Variants in HHIPL1 observed in about 807,000 individuals in gnomAD.
The protein encoded by HHIPL1 is HHIP-like protein 1.
A neutral mutation model predicts 61.8 loss-of-function variants in HHIPL1; 43 were observed. That is an observed-to-expected ratio of 0.70 (90% CI 0.55 to 0.90). The LOEUF (loss-of-function observed/expected upper bound fraction) is 0.90. Ranked by LOEUF, HHIPL1 falls within the 40% of genes least tolerant of loss-of-function variation. The pLI, the probability that HHIPL1 is intolerant of heterozygous loss-of-function variation, is 0.00. For missense variants in HHIPL1, 1,056 were observed against 1,157.7 expected (o/e 0.91, Z 1.28); for synonymous variants, 482 against 515.8 (o/e 0.93, Z 0.89).
At chr14:99,671,016 A>G (rs1032911490) in intron 7 of HHIPL1, among the ~76,000 whole-genome samples, 2 of 152,090 alleles carry the variant, frequency 1.3e-5, no homozygotes, top group Non-Finnish European at 2.9e-5. Context: ...AGGGACCCCA[A>G]CGAGACTTAA....
Position 99,680,393 on chromosome 14 carries a change from C to T in HHIPL1, c.*4767C>T, listed in dbSNP as rs1286001903. ...GTCCTGTCTCTCAGAGTTTTTGACT[C>T]AGTCTTGGTTGAGAATTTTCAGTTC... is the stretch of plus-strand genomic sequence containing the variant. On this transcript the variant is annotated 3_prime_UTR_variant, in exon 9 of 9. Transcript: ENST00000330710. 2 of 152,178 alleles carry T rather than the reference C, an allele frequency of 1.3e-5. No individual in the cohort carries two copies. The highest frequency in any genetic ancestry group is 4.8e-5 in the African/African-American group (2 of 41,434). The allele number at this position is 152,178 out of a possible 1,614,324, so 9.4% of individuals were successfully genotyped here.
rs1257683754 is a variant in HHIPL1, at chr14:99,659,538, C to G, written c.1157C>G (p.Pro386Arg). 31 of 1,545,354 alleles carry G rather than the reference C, an allele frequency of 2.0e-5. No individual in the cohort carries two copies. Among genetic ancestry groups the G allele is most frequent in the Non-Finnish European group, 2.6e-5 (30 of 1,149,348 alleles). The change falls in exon 4 of 9, where the codon CCC becomes CGC. Residue 386 changes from proline to arginine, a missense_variant. Pro to Arg is a moderately radical substitution (Grantham distance 103). Coordinates refer to ENST00000330710, the MANE Select transcript of HHIPL1 (RefSeq NM_001127258.3). ...NPFVGDPAAQ[P>R]EVYALGVRNM... ...TTCGTGGGCGACCCCGCGGCGCAGC[C>G]CGAGGTCTACGCCCTGGGCGTGCGC...
At chr14:99,626,503 A>G in the HHIPL1 span, among the ~76,000 whole-genome samples, 4 of 152,162 alleles carry the variant, frequency 2.6e-5, no homozygotes, top group African/African-American at 9.7e-5. Context: ...TTGGAGGTCA[A>G]CGCCAAAGCC....
At chr14:99,664,691 G>T (rs1235119709) in intron 6 of HHIPL1, among the ~76,000 whole-genome samples, 2 of 152,194 alleles carry the variant, frequency 1.3e-5, no homozygotes, top group African/African-American at 2.4e-5. Flanking sequence ...TGCTGGCCCA[G>T]TGTGCTCTAG....
At position 99,645,423 on chromosome 14, in the gene HHIPL1, G is replaced by C. The variant is rs1302541405; in HGVS notation, c.216G>C (p.Trp72Cys). The change falls in exon 1 of 9, where the codon TGG (tryptophan) becomes TGC (cysteine). Residue 72 changes from tryptophan to cysteine, a missense_variant. By Grantham distance (215) the Trp-to-Cys change is radical. Coordinates refer to ENST00000330710, the MANE Select transcript of HHIPL1 (RefSeq NM_001127258.3). ...ALASRVDAAE[W>C]AACAGYARDL... ...CGAGCCGCGTGGACGCCGCCGAGTG[G>C]GCCGCGTGCGCCGGCTACGCGAGGG... The C allele has an allele frequency of 1.1e-5, 15 of 1,371,988 alleles. No homozygotes were observed. Among genetic ancestry groups the C allele is most frequent in the South Asian group, 6.9e-5 (4 of 58,192 alleles). 85.0% of individuals were successfully genotyped at this position (1,371,988 alleles called of 1,614,324 possible).
chr14:99,652,460 C>T lies in HHIPL1; in HGVS notation c.492C>T (p.Asn164=), dbSNP rs150385025. ...TDYCFPYLLV[N]KNLNSNLGHV... is the part of the protein sequence containing the mutation. ...ACTGCTTCCCTTACCTGCTGGTCAA[C>T]AAGAACCTCAACTCAAACCTGGGCC... The change falls in exon 2 of 9, where the codon AAC becomes AAT. Residue 164 remains asparagine, a synonymous_variant. Transcript: ENST00000330710. The T allele has an allele frequency of 8.7e-6, 14 of 1,614,006 alleles. No individual in the cohort carries two copies. In the African/African-American group the frequency reaches 1.6e-4, roughly 18 times the overall value.
At chr14:99,622,181 T>C in the HHIPL1 span, among the ~76,000 whole-genome samples, 1 of 152,218 alleles carries the variant, frequency 6.6e-6, no homozygotes, top group African/African-American at 2.4e-5. Flanking sequence ...CTTCTGAGGT[T>C]TCTGGAAATG....
chr14:99,630,779 C>T, the HHIPL1 span, among the ~76,000 whole-genome samples: 10 of 152,204 alleles, frequency 6.6e-5, no homozygotes, highest in African/African-American at 9.6e-5. Flanking sequence ...AGTCCGAGAT[C>T]GAGGTGTCTG....
chr14:99,647,264 G>A (rs1188178729), intron 1 of HHIPL1, among the ~76,000 whole-genome samples: 2 of 152,188 alleles, frequency 1.3e-5, no homozygotes, highest in Non-Finnish European at 2.9e-5. Context: ...CTCCCATGCT[G>A]TACACCTCAA....
chr14:99,642,726 G>A (rs748832880), upstream of HHIPL1, among the ~76,000 whole-genome samples: 3 of 151,968 alleles, frequency 2.0e-5, no homozygotes, highest in Middle Eastern at 3.4e-3. Flanking sequence ...GGGTTTCACC[G>A]TATTAGCCAG....
At chr14:99,653,083 G>A (rs183341686) in intron 2 of HHIPL1, among the ~76,000 whole-genome samples, 1 of 152,350 alleles carries the variant, frequency 6.6e-6, no homozygotes, top group Non-Finnish European at 1.5e-5. Flanking sequence ...TCTGGCCTGT[G>A]AGGCCTGACA....
the HHIPL1 span, among the ~76,000 whole-genome samples, chr14:99,616,750 G>T: frequency 1.2e-4 from 19 of 152,018 alleles, no homozygotes; most frequent in African/African-American, 4.4e-4. Flanking sequence ...CCTATTATTG[G>T]ACCTCTCCTT....
chr14:99,662,390 T>G (rs1312480733), intron 5 of HHIPL1, among the ~76,000 whole-genome samples: 1 of 152,226 alleles, frequency 6.6e-6, no homozygotes, highest in Admixed American at 6.5e-5. Flanking sequence ...GCTCCAGTGC[T>G]TGGCAGGTTC....
At chr14:99,614,325 C>T in the HHIPL1 span, among the ~76,000 whole-genome samples, 1 of 152,124 alleles carries the variant, frequency 6.6e-6, no homozygotes, top group South Asian at 2.1e-4. Flanking sequence ...TCAAGAGTAG[C>T]TCGCCCAGCT....
At chr14:99,642,735 A>G (rs1460123276), upstream of HHIPL1, among the ~76,000 whole-genome samples, 1 of 151,940 alleles carries the variant, frequency 6.6e-6, no homozygotes, top group Non-Finnish European at 1.5e-5. Flanking sequence ...CGTATTAGCC[A>G]GTATGATTTC....
intron 5 of HHIPL1, among the ~76,000 whole-genome samples, chr14:99,661,234 C>A (rs1018856147): frequency 1.3e-5 from 2 of 152,144 alleles, no homozygotes; most frequent in African/African-American, 4.8e-5. Flanking sequence ...CAGTTACTGG[C>A]CAGGTGACCT....
chr14:99,640,907 G>T (rs1254449985), upstream of HHIPL1, among the ~76,000 whole-genome samples: 27 of 44,946 alleles, frequency 6.0e-4, no homozygotes, highest in Middle Eastern at 0.018. Flanking sequence ...TTTTTTTTGA[G>T]ATAGAGTATC....
intron 6 of HHIPL1, among the ~76,000 whole-genome samples, chr14:99,663,677 T>C (rs1175880937): frequency 6.6e-6 from 1 of 152,198 alleles, no homozygotes; most frequent in East Asian, 1.9e-4. Context: ...TTGCTCTGGT[T>C]CACAGGCATC....
At chr14:99,637,034 AGAAAGAAAGAAAGAAGGAAGGAAG>A in the HHIPL1 span, among the ~76,000 whole-genome samples, 1 of 123,270 alleles carries the variant, frequency 8.1e-6, no homozygotes, top group Non-Finnish European at 1.7e-5. Flanking sequence ...AAAGAAAGAA[AGAAAGAAAGAAAGAAGGAAGGAAG>A]GAAAAAAGAA....
Sources: allele counts gnomAD v4.1 joint callset (sites outside exome capture counted in the v4.1 genomes callset), GRCh38; gene constraint gnomAD v4.1.1; transcripts MANE v1.5; gene names NCBI Gene and HGNC (gene_info 2026-07-23, HGNC 2026-07-21).